FAT1: variants seen among roughly 807,000 people sequenced by gnomAD.
FAT1 encodes protocadherin Fat 1.
In FAT1, 171 loss-of-function variants were observed where a neutral mutation model predicts 329.8. The ratio of observed to expected loss-of-function variants is 0.52; its 90% CI spans 0.46 to 0.59. The LOEUF (loss-of-function observed/expected upper bound fraction) is 0.59. FAT1 is among the 20% of genes least tolerant of loss of function. The pLI is 0.00. For missense variants in FAT1, 5,672 were observed against 5,774.4 expected, an observed-to-expected ratio of 0.98 and a Z score of 0.57; for synonymous variants, 2,233 against 2,228.6, an observed-to-expected ratio of 1.00 and a Z score of -0.06.
chr4:186,630,447 C>G (rs981740351), intron 7 of FAT1, among the ~76,000 whole-genome samples: 4 of 152,080 alleles, frequency 2.6e-5, no homozygotes, highest in African/African-American at 9.7e-5. Flanking sequence ...ATACGCAGAG[C>G]CTCGACTCCA....
chr4:186,668,261 C>T lies in FAT1; in HGVS notation c.3266-4648G>A, dbSNP rs892222112. On this transcript the variant is annotated intron_variant, in intron 2 of 26. Transcript: ENST00000441802. ...CCAAAGTGGACCTATGGCACTAGCC[C>T]GAGATCTCTAGGTCAAAACCCCGAA... Among the ~76,000 whole-genome samples, 4 of 152,202 alleles carry T rather than the reference C, an allele frequency of 2.6e-5. No individual in the cohort carries two copies. In the East Asian group the frequency reaches 5.8e-4, roughly 22 times the overall value.
chr4:186,639,279 A>T (rs1469186786), intron 4 of FAT1, among the ~76,000 whole-genome samples: 1 of 152,238 alleles, frequency 6.6e-6, no homozygotes, highest in African/African-American at 2.4e-5. Context: ...AAAAAAATGA[A>T]TCTGGAAACA....
intron 2 of FAT1, among the ~76,000 whole-genome samples, chr4:186,667,794 T>G (rs886320125): frequency 2.0e-5 from 3 of 152,138 alleles, no homozygotes; most frequent in Non-Finnish European, 2.9e-5. Context: ...ATTAAGAAAC[T>G]TGCTTAAGCC....
intron 7 of FAT1, among the ~76,000 whole-genome samples, chr4:186,631,766 C>T (rs1476920086): frequency 6.6e-6 from 1 of 151,868 alleles, no homozygotes; most frequent in Non-Finnish European, 1.5e-5. Context: ...CCCACAGTAT[C>T]CTAGTGTCTC....
intron 2 of FAT1, among the ~76,000 whole-genome samples, chr4:186,682,581 T>G (rs372918916): frequency 6.7e-4 from 99 of 147,308 alleles, no homozygotes; most frequent in African/African-American, 2.5e-3. Flanking sequence ...TGCGTATGCA[T>G]GAAGACAGAC....
At chr4:186,664,490 A>T (rs2126620885) in intron 2 of FAT1, among the ~76,000 whole-genome samples, 1 of 152,320 alleles carries the variant, frequency 6.6e-6, no homozygotes, top group South Asian at 2.1e-4. Flanking sequence ...CTCAACTGGG[A>T]CCCAAACTAG....
chr4:186,660,975 T>G (rs1237421374), intron 3 of FAT1, among the ~76,000 whole-genome samples: 1 of 152,110 alleles, frequency 6.6e-6, no homozygotes, highest in Non-Finnish European at 1.5e-5. Context: ...CTCATCTATC[T>G]CTTCACAGAG....
rs1016434345 is a variant in FAT1, at chr4:186,636,875, T to C, written c.3682A>G (p.Ile1228Val). The change falls in exon 5 of 27, where the codon ATT becomes GTT. Residue 1228 changes from isoleucine to valine, a missense_variant. By Grantham distance (29) the Ile-to-Val change is conservative. Transcript: ENST00000441802. ...AGGATTTTCACAATGACTCTTGCAA[T>C]GGTTGATTTGGGGGGACTACCATTG... ...TDNGSPPKSTIARVIVKILDE... is the reference protein window; with the variant it reads ...TDNGSPPKSTVARVIVKILDE... 1.8e-5 allele frequency: 29 copies of C among 1,613,108 alleles called. No homozygotes were observed. The East Asian group carries it at 6.2e-4, about 35-fold the overall frequency.
At chr4:186,688,424 C>G (rs1256101894) in intron 2 of FAT1, among the ~76,000 whole-genome samples, 1 of 152,060 alleles carries the variant, frequency 6.6e-6, no homozygotes, top group African/African-American at 2.4e-5. Context: ...AATCGCGGAC[C>G]CCATGTGGTC....
intron 2 of FAT1, among the ~76,000 whole-genome samples, chr4:186,675,122 A>T (rs1191766356): frequency 2.6e-5 from 4 of 152,196 alleles, no homozygotes; most frequent in African/African-American, 9.7e-5. Flanking sequence ...TATACTAACA[A>T]TACTGAATCT....
chr4:186,668,657 G>A (rs1315295649), intron 2 of FAT1, among the ~76,000 whole-genome samples: 1 of 152,170 alleles, frequency 6.6e-6, no homozygotes, highest in African/African-American at 2.4e-5. Flanking sequence ...AGCAGTTCTT[G>A]TTCCTACACT....
rs539530918 is a variant in FAT1 at position 186,588,688 on chromosome 4, G to C, written c.13671C>G (p.Ser4557=). The C allele has an allele frequency of 6.2e-7, 1 of 1,613,900 alleles. No homozygotes were observed. ...TCTCATAGTCACTCATCATGACCTCGGACTCCACTTCGCAGCAGGCTGACA... is the reference window on the plus strand; with the variant it reads ...TCTCATAGTCACTCATCATGACCTCCGACTCCACTTCGCAGCAGGCTGACA... The part of the protein sequence containing the change: ...SDVSACCEVE[S]EVMMSDYESG... Residue 4557 remains serine (S), a synonymous_variant, in exon 27 of 27, where the codon TCC becomes TCG. Coordinates refer to ENST00000441802, the MANE Select transcript of FAT1 (RefSeq NM_005245.4).
At chr4:186,669,117 C>T (rs1742609291) in intron 2 of FAT1, among the ~76,000 whole-genome samples, 1 of 152,208 alleles carries the variant, frequency 6.6e-6, no homozygotes, top group Non-Finnish European at 1.5e-5. Context: ...GGTCTCCCTC[C>T]TGTCTTCGGC....
chr4:186,596,547 G>A lies in FAT1; in HGVS notation c.12993C>T (p.Asp4331=), dbSNP rs2126386103. Residue 4331 remains aspartate (D), a synonymous_variant, in exon 25 of 27, where the codon GAC becomes GAT. Transcript: ENST00000441802. The surrounding 1 kb of genome is among the most constrained non-coding windows in gnomAD (Gnocchi z 4.7). ...TGAAAAAGTGGCTCTTACTGTCATA[G>A]TCAAAGTCCCAGCTAGGCTTCTGGA... ...DSIQKPSWDF[D]YDTKVVDLDP... is the part of the protein sequence containing the mutation. 1 of 1,612,144 alleles carries A rather than the reference G, an allele frequency of 6.2e-7. No individual in the cohort carries two copies. Among genetic ancestry groups the A allele is most frequent in the South Asian group, 1.1e-5 (1 of 90,646 alleles).
chr4:186,693,164 T>C (rs191475557), intron 2 of FAT1, among the ~76,000 whole-genome samples: 1 of 152,340 alleles, frequency 6.6e-6, no homozygotes, highest in Non-Finnish European at 1.5e-5. Flanking sequence ...TAAAGTATCG[T>C]TATGTAAGAC....
At position 186,587,831 on chromosome 4, in the gene FAT1, G is replaced by C. The variant is rs1379953599; in HGVS notation, c.*761C>G. Reference sequence around the variant, plus strand: ...AATTTATTGTCAGTAAGAAAGACTGGCTAATGGTAGTTTTCATTAAAAACC... The same window carrying C: ...AATTTATTGTCAGTAAGAAAGACTGCCTAATGGTAGTTTTCATTAAAAACC... On this transcript the variant is annotated 3_prime_UTR_variant, in exon 27 of 27. Coordinates refer to ENST00000441802, the MANE Select transcript of FAT1 (RefSeq NM_005245.4). 2 of 205,932 alleles carry C rather than the reference G, an allele frequency of 9.7e-6. No homozygotes were observed. Among genetic ancestry groups the C allele is most frequent in the Non-Finnish European group, 2.0e-5 (2 of 100,854 alleles). 12.8% of individuals were successfully genotyped at this position (205,932 alleles called of 1,614,324 possible). A position where few individuals can be genotyped will look rare whatever the true frequency, so the allele number is the denominator to read the frequency against.
intron 2 of FAT1, among the ~76,000 whole-genome samples, chr4:186,670,079 T>A (rs1185020896): frequency 6.6e-6 from 1 of 152,302 alleles, no homozygotes; most frequent in Admixed American, 6.5e-5. Context: ...CAAATTCCCA[T>A]GGCCACAGAA....
intron 3 of FAT1, among the ~76,000 whole-genome samples, chr4:186,654,395 TAA>T (rs892170258): frequency 6.6e-6 from 1 of 151,928 alleles, no homozygotes; most frequent in African/African-American, 2.4e-5. Flanking sequence ...AAGAGTGGTA[TAA>T]AAAAAGACTT....
intron 9 of FAT1, among the ~76,000 whole-genome samples, chr4:186,625,391 G>A (rs1011254063): frequency 1.3e-5 from 2 of 152,044 alleles, no homozygotes; most frequent in East Asian, 3.8e-4. Context: ...TAATGAACTC[G>A]ATTTGGTTGT....
Sources: allele counts gnomAD v4.1 joint callset (sites outside exome capture counted in the v4.1 genomes callset), GRCh38; gene constraint gnomAD v4.1.1; non-coding constraint Gnocchi (gnomAD v3.1); transcripts MANE v1.5; gene names NCBI Gene and HGNC (gene_info 2026-07-23, HGNC 2026-07-21).